The following DNAJC13 variants were observed in gnomAD, a reference collection of about 807,000 sequenced individuals.
DNAJC13 encodes DnaJ heat shock protein family (Hsp40) member C13, also known as dnaJ homolog subfamily C member 13.
Under a neutral mutation model 290.5 loss-of-function variants are expected in DNAJC13, and 75 were observed. The observed-to-expected ratio is 0.26, with a 90% confidence interval of 0.21 to 0.31. The LOEUF (loss-of-function observed/expected upper bound fraction) is 0.31. Ranked by LOEUF, DNAJC13 falls within the 10% of genes least tolerant of loss-of-function variation. The pLI is 1.00. For missense variants in DNAJC13, 2,260 were observed against 2,674.5 expected (o/e 0.85, Z 3.42); for synonymous variants, 862 against 892.0 (o/e 0.97, Z 0.60).
intron 53 of DNAJC13, among the ~76,000 whole-genome samples, chr3:132,526,862 GAACA>G (rs1266169136): frequency 6.6e-6 from 1 of 152,028 alleles, no homozygotes; most frequent in Non-Finnish European, 1.5e-5. Flanking sequence ...GTAACTCAAA[GAACA>G]AATACCACAT....
intron 48 of DNAJC13, among the ~76,000 whole-genome samples, chr3:132,518,465 A>G (rs1329236051): frequency 6.6e-6 from 1 of 151,910 alleles, no homozygotes; most frequent in Non-Finnish European, 1.5e-5. Flanking sequence ...CCATCCTCCC[A>G]TCTCAGCCTC....
Position 132,511,191 on chromosome 3 carries a change from C to G in DNAJC13, c.5240C>G (p.Pro1747Arg). 6.2e-7 allele frequency: 1 copy of G among 1,613,782 alleles called. No homozygotes were observed. The highest frequency in any genetic ancestry group is 8.5e-7 in the Non-Finnish European group (1 of 1,179,864). The change falls in exon 44 of 56, where the codon CCG becomes CGG. Residue 1747 changes from proline to arginine, a missense_variant. Coordinates refer to ENST00000260818, the MANE Select transcript of DNAJC13 (RefSeq NM_015268.4). ...VESEQHGDRL[P>R]RVEMALEALR... is the part of the protein sequence containing the mutation. ...TCAGAGCAACATGGAGATCGCTTACCGAGAGTAGAAATGGCTTTGGAGGCT... is the reference window on the plus strand; with the variant it reads ...TCAGAGCAACATGGAGATCGCTTACGGAGAGTAGAAATGGCTTTGGAGGCT...
chr3:132,456,377 C>T lies in DNAJC13; in HGVS notation c.1075C>T (p.Leu359Phe). 1 of 1,613,562 alleles carries T rather than the reference C, an allele frequency of 6.2e-7. No individual in the cohort carries two copies. The highest frequency in any genetic ancestry group is 8.5e-7 in the Non-Finnish European group (1 of 1,179,780). The part of the protein sequence containing the change: ...PVDEEVESLH[L>F]RFLATPPNGN... ...TGATGAGGAAGTAGAGAGCCTTCAC[C>T]TCAGGTTCTTAGCTACGCCTCCAAG... Residue 359 changes from leucine (L) to phenylalanine (F), a missense_variant, in exon 10 of 56, where the codon CTC becomes TTC. Physicochemically the swap from Leu to Phe is conservative, Grantham distance 22. Transcript: ENST00000260818.
intron 45 of DNAJC13, among the ~76,000 whole-genome samples, chr3:132,513,880 G>A (rs1235585970): frequency 6.6e-6 from 1 of 152,132 alleles, no homozygotes; most frequent in East Asian, 1.9e-4. Context: ...ATGCAACCCT[G>A]CAGTAACAGG....
At chr3:132,494,769 T>C (rs1559897055) in intron 34 of DNAJC13, among the ~76,000 whole-genome samples, 2 of 152,186 alleles carry the variant, frequency 1.3e-5, no homozygotes, top group Admixed American at 1.3e-4. Context: ...CTTAGAATTA[T>C]AGAATTTGAA....
In DNAJC13 at chr3:132,456,754, A is replaced by T. The variant is rs1933611987; in HGVS notation, c.1271A>T (p.Glu424Val). 1.2e-6 allele frequency: 2 copies of T among 1,613,998 alleles called. No homozygotes were observed. The highest frequency in any genetic ancestry group is 1.7e-5 in the Admixed American group (1 of 60,004). The change falls in exon 12 of 56, where the codon GAA becomes GTA. Residue 424 changes from glutamate to valine, a missense_variant. Around this residue, in one of 3 missense-constraint regions of DNAJC13, gnomAD observed 762 missense variants for 964.1 expected, o/e 0.79. Transcript: ENST00000260818. ...GGGGATGTCGTTGCTTCAAATGCGG[A>T]ACTTGAGAGTCAGTTCCAGGCTGTG... ...QEGDVVASNAELESQFQAVRR... is the reference protein window; with the variant it reads ...QEGDVVASNAVLESQFQAVRR...
At chr3:132,445,265 C>A (rs1019322151) in intron 2 of DNAJC13, among the ~76,000 whole-genome samples, 1 of 151,698 alleles carries the variant, frequency 6.6e-6, no homozygotes, top group Non-Finnish European at 1.5e-5. Flanking sequence ...AAAAAAATCT[C>A]GTATTAAAAT....
rs11328911 is a variant in DNAJC13 at position 132,463,599 on chromosome 3, TG to T, written c.1771-96del. The T allele has an allele frequency of 0.23, 321,137 of 1,395,590 alleles. 37,391 individuals are homozygous for T. Among genetic ancestry groups the T allele is most frequent in the South Asian group, 0.3 (19,684 of 65,962 alleles). The allele number at this position is 1,395,590 out of a possible 1,614,324, so 86.5% of individuals were successfully genotyped here. A position where few individuals can be genotyped will look rare whatever the true frequency, so the allele number is the denominator to read the frequency against. On this transcript the variant is annotated intron_variant, in intron 16 of 55. Transcript: ENST00000260818. ...TTAAAAACTTCTATTACATACTGAA[TG>T]TTTTTTTCATTTAAATATGTAAAAT...
At chr3:132,502,879 A>C (rs1935463514) in intron 40 of DNAJC13, among the ~76,000 whole-genome samples, 1 of 152,172 alleles carries the variant, frequency 6.6e-6, no homozygotes, top group South Asian at 2.1e-4. Context: ...TTTATTGCTC[A>C]TATTGTAAAT....
chr3:132,420,478 G>A (rs771360561), intron 1 of DNAJC13, among the ~76,000 whole-genome samples: 3 of 152,118 alleles, frequency 2.0e-5, no homozygotes, highest in Non-Finnish European at 2.9e-5. Context: ...AGAACCGAGA[G>A]TGCTGCCCTC....
intron 12 of DNAJC13, 105 bp from the exon 13 acceptor site, chr3:132,457,164 A>G (rs1238972171): frequency 5.0e-6 from 4 of 802,858 alleles, no homozygotes; most frequent in South Asian, 4.5e-5. Context: ...AAAATACGTC[A>G]TTGTTCCAGT....
At chr3:132,418,320 G>A (rs1359773173) in intron 1 of DNAJC13, among the ~76,000 whole-genome samples, 1 of 152,122 alleles carries the variant, frequency 6.6e-6, no homozygotes, top group Admixed American at 6.5e-5. Context: ...GCTTATTCAC[G>A]TGGCCTTTCC....
Position 132,447,358 on chromosome 3 carries a change from GA to G in DNAJC13, c.186del (p.Gly63AspfsTer21). On this transcript the variant is annotated frameshift_variant, in exon 4 of 56. Transcript: ENST00000260818. LOFTEE classifies it high-confidence loss of function. Reference sequence around the variant, plus strand: ...GACATTTGCAGCATCAGCCCTGTTGGAAAAGGACAAGGAACGGAGTTCAACC... The same window carrying G: ...GACATTTGCAGCATCAGCCCTGTTGGAAAGGACAAGGAACGGAGTTCAACC... The part of the protein sequence containing the change: ...YGDICSISPV[G>X]KGQGTEFNLT... 6.3e-7 allele frequency: 1 copy of G among 1,598,318 alleles called. No homozygotes were observed. Among genetic ancestry groups the G allele is most frequent in the Non-Finnish European group, 8.5e-7 (1 of 1,174,486 alleles).
At chr3:132,471,831 T>C (rs1265849914) in intron 20 of DNAJC13, among the ~76,000 whole-genome samples, 1 of 147,734 alleles carries the variant, frequency 6.8e-6, no homozygotes, top group Non-Finnish European at 1.5e-5. Flanking sequence ...GGTCATCACT[T>C]CCCAGACGGG....
intron 46 of DNAJC13, chr3:132,514,921 T>TACTCCGACCACC: frequency 1.5e-5 from 3 of 194,552 alleles, no homozygotes; most frequent in Admixed American, 1.1e-4. Flanking sequence ...TTCAGTTTGT[T>TACTCCGACCACC]GAGATCTACA....
intron 1 of DNAJC13, among the ~76,000 whole-genome samples, chr3:132,432,027 G>C (rs1939252108): frequency 6.6e-6 from 1 of 152,056 alleles, no homozygotes; most frequent in South Asian, 2.1e-4. Context: ...TATGTCTCAA[G>C]CCGTTATAAA....
intron 27 of DNAJC13, 122 bp from the exon 28 acceptor site, chr3:132,483,253 C>G: frequency 1.0e-6 from 1 of 973,760 alleles, no homozygotes; most frequent in South Asian, 1.8e-5. Flanking sequence ...CTTATTTTTT[C>G]TGAAATAGTG....
intron 35 of DNAJC13, among the ~76,000 whole-genome samples, chr3:132,495,537 A>AT (rs1935209994): frequency 6.6e-6 from 1 of 152,114 alleles, no homozygotes; most frequent in Non-Finnish European, 1.5e-5. Flanking sequence ...AATTTATGTA[A>AT]TTTTTTCCAA....
intron 54 of DNAJC13, 110 bp from the exon 55 acceptor site, chr3:132,530,888 T>A: frequency 1.2e-6 from 1 of 842,100 alleles, no homozygotes; most frequent in South Asian, 1.6e-5. Flanking sequence ...CATATTTGGG[T>A]CTTTCCTCAC....
Sources: gnomAD v4.1 joint callset for allele counts (sites outside exome capture counted in the v4.1 genomes callset) on GRCh38, gnomAD v4.1.1 for gene constraint, gnomAD v4.1.1 regional missense constraint, MANE v1.5 for transcripts, NCBI Gene and HGNC (gene_info 2026-07-23, HGNC 2026-07-21) for gene names.